PKD2: variants seen among roughly 807,000 people sequenced by gnomAD.
The protein encoded by PKD2 is polycystin-2.
In PKD2, 48 loss-of-function variants were observed where a neutral mutation model predicts 105.9. The ratio of observed to expected loss-of-function variants is 0.45; its 90% CI spans 0.36 to 0.58. The LOEUF (loss-of-function observed/expected upper bound fraction) is 0.58, where lower values mean the gene tolerates loss of function less well. Among genes scored for constraint, PKD2 ranks in the 20% least tolerant of loss-of-function variants. The probability of loss-of-function intolerance (pLI) is 0.00; values close to 1 mark genes in which losing one functional copy is unlikely to be tolerated. For missense variants in PKD2, 1,078 were observed against 1,255.3 expected, an observed-to-expected ratio of 0.86 and a Z score of 2.13; for synonymous variants, 464 against 481.1, an observed-to-expected ratio of 0.96 and a Z score of 0.46.
chr4:88,010,379 A>G lies in PKD2; in HGVS notation c.595+2051A>G, dbSNP rs1041438548. Among the ~76,000 whole-genome samples, 9 of 152,314 alleles carry G rather than the reference A, an allele frequency of 5.9e-5. No individual in the cohort carries two copies. In the East Asian group the frequency reaches 1.7e-3, roughly 29 times the overall value. On this transcript the variant is annotated intron_variant, in intron 1 of 14. Transcript: ENST00000237596. Reference sequence around the variant, plus strand: ...CAACATTTTAAAATGTTTAGCACCTACTGTGAAGATAGCACTGTGCTAGCT... The same window carrying G: ...CAACATTTTAAAATGTTTAGCACCTGCTGTGAAGATAGCACTGTGCTAGCT...
In PKD2 at chr4:88,039,347, C is replaced by T. The variant is rs140559493; in HGVS notation, c.1094+846C>T. 7.9e-5 allele frequency among the ~76,000 whole-genome samples: 12 copies of T among 152,148 alleles called. No individual in the cohort carries two copies. The East Asian group carries it at 2.3e-3, about 29-fold the overall frequency. ...CTTCCAGTATACACTCTATTTAATA[C>T]CAGAACCCATAAGAAACAAATTTAG... is the stretch of plus-strand genomic sequence containing the variant. On this transcript the variant is annotated intron_variant, in intron 4 of 14. Transcript: ENST00000237596.
intron 6 of PKD2, among the ~76,000 whole-genome samples, chr4:88,050,793 A>G (rs1351352848): frequency 6.6e-6 from 1 of 151,736 alleles, no homozygotes; most frequent in East Asian, 2.0e-4. Flanking sequence ...ACAAAAATAC[A>G]AGATTGGCTC....
intron 7 of PKD2, among the ~76,000 whole-genome samples, chr4:88,052,703 C>A (rs1044733839): frequency 6.6e-6 from 1 of 152,042 alleles, no homozygotes; most frequent in Non-Finnish European, 1.5e-5. Flanking sequence ...CAGTAAGAGG[C>A]CTTTCAGTGT....
At chr4:88,070,515 T>G (rs1720969930) in intron 13 of PKD2, among the ~76,000 whole-genome samples, 1 of 150,562 alleles carries the variant, frequency 6.6e-6, no homozygotes, top group South Asian at 2.1e-4. Flanking sequence ...TGTTCTTCTG[T>G]CAGCTTGCTT....
At chr4:88,065,720 T>A in intron 11 of PKD2, 42 bp from the exon 12 acceptor site, 1 of 1,436,502 alleles carries the variant, frequency 7.0e-7, no homozygotes, top group Middle Eastern at 1.7e-4. Flanking sequence ...GTGAACTGGG[T>A]ACAAGGAATG....
chr4:88,068,181 C>T (rs960223161), intron 13 of PKD2, 120 bp downstream of exon 13: 13 of 914,402 alleles, frequency 1.4e-5, no homozygotes, highest in Non-Finnish European at 2.1e-5. Context: ...TTAAAAATAA[C>T]TTATACTGGC....
chr4:88,012,098 C>CT lies in PKD2; in HGVS notation c.595+3773dup, dbSNP rs1271424431. Among the ~76,000 whole-genome samples the CT allele has an allele frequency of 2.6e-5, 4 of 152,314 alleles. No individual in the cohort carries two copies. In the East Asian group the frequency reaches 5.8e-4, roughly 22 times the overall value. On this transcript the variant is annotated intron_variant, in intron 1 of 14. Transcript: ENST00000237596. ...CCACCCAAATTGCCAGGAGTGAGGACTTTGAGAAACCCTGCCCTAGACTGT... is the reference window on the plus strand; with the variant it reads ...CCACCCAAATTGCCAGGAGTGAGGACTTTTGAGAAACCCTGCCCTAGACTGT...
chr4:88,007,855 C>T lies in PKD2; in HGVS notation c.122C>T (p.Ala41Val). 8.2e-7 allele frequency: 1 copy of T among 1,225,266 alleles called. No homozygotes were observed. The highest frequency in any genetic ancestry group is 1.0e-6 in the Non-Finnish European group (1 of 984,420). 75.9% of individuals were successfully genotyped at this position (1,225,266 alleles called of 1,614,324 possible). A position where few individuals can be genotyped will look rare whatever the true frequency, so the allele number is the denominator to read the frequency against. The part of the protein sequence containing the change: ...AGCAAVGASL[A>V]APGGLCEQRG... ...TGCGCGGCCGTGGGCGCCAGCCTCG[C>T]CGCCCCGGGCGGCCTCTGCGAGCAG... Residue 41 changes from alanine to valine, a missense_variant, in exon 1 of 15, where the codon GCC becomes GTC. Physicochemically the swap from Ala to Val is moderately conservative, Grantham distance 64 (BLOSUM62 0). Transcript: ENST00000237596.
At position 88,077,305 on chromosome 4, in the gene PKD2, T is replaced by G. The variant is rs886059709; in HGVS notation, c.*1611T>G. 1.3e-5 allele frequency: 2 copies of G among 152,810 alleles called. No homozygotes were observed. Among genetic ancestry groups the G allele is most frequent in the East Asian group, 3.9e-4 (2 of 5,190 alleles). The allele number at this position is 152,810 out of a possible 1,614,324, so 9.5% of individuals were successfully genotyped here. A position where few individuals can be genotyped will look rare whatever the true frequency, so the allele number is the denominator to read the frequency against. On this transcript the variant is annotated 3_prime_UTR_variant, in exon 15 of 15. Transcript: ENST00000237596. ...CTGTAAGTTTTTCCTCATGGCTTCA[T>G]CTCTATCTTTACTTTCTCTTGAATA...
intron 6 of PKD2, 99 bp downstream of exon 6, chr4:88,046,969 A>G (rs1727798770): frequency 1.3e-6 from 1 of 772,292 alleles, no homozygotes; most frequent in Non-Finnish European, 2.4e-6. Context: ...ATATTCCCAA[A>G]AAAGAATCTA....
intron 4 of PKD2, among the ~76,000 whole-genome samples, chr4:88,042,686 A>T (rs560874774): frequency 1.3e-5 from 2 of 152,236 alleles, no homozygotes; most frequent in South Asian, 4.2e-4. Flanking sequence ...TTACTTGTTT[A>T]ATTATAACTC....
chr4:88,054,164 G>A (rs1406665237), intron 7 of PKD2, among the ~76,000 whole-genome samples: 2 of 152,112 alleles, frequency 1.3e-5, no homozygotes, highest in African/African-American at 2.4e-5. Context: ...GGGAGGCTGA[G>A]GCGGGCAGAT....
At chr4:88,060,200 A>AT (rs531657232) in intron 9 of PKD2, among the ~76,000 whole-genome samples, 50 of 152,324 alleles carry the variant, frequency 3.3e-4, no homozygotes, top group African/African-American at 1.1e-3. Context: ...AAAATAGAAC[A>AT]TTAGATCCCT....
In PKD2 at chr4:88,065,804, G is replaced by C. The variant is rs753806545; in HGVS notation, c.2283G>C (p.Lys761Asn). The change falls in exon 12 of 15, where the codon AAG becomes AAC. Residue 761 changes from lysine to asparagine, a missense_variant. Transcript: ENST00000237596. ...TDAEIEAIFT[K>N]YDQDGDQELT... The stretch of plus-strand genomic sequence containing the variant: ...CAGAGATTGAGGCAATATTCACAAA[G>C]TACGACCAAGATGGAGACCAAGAAC... 1 of 1,613,712 alleles carries C rather than the reference G, an allele frequency of 6.2e-7. No homozygotes were observed. Among genetic ancestry groups the C allele is most frequent in the East Asian group, 2.2e-5 (1 of 44,868 alleles).
At chr4:88,050,223 C>T (rs1202481927) in intron 6 of PKD2, among the ~76,000 whole-genome samples, 1 of 152,082 alleles carries the variant, frequency 6.6e-6, no homozygotes, top group Non-Finnish European at 1.5e-5. Context: ...ATCCGCCCAC[C>T]TCAGCCTCCC....
intron 1 of PKD2, among the ~76,000 whole-genome samples, chr4:88,011,963 G>T (rs1005727440): frequency 1.3e-5 from 2 of 150,432 alleles, no homozygotes; most frequent in Non-Finnish European, 2.9e-5. Flanking sequence ...ATTTTTGATT[G>T]TCATACCTGG....
chr4:88,065,917 C>A, intron 12 of PKD2, 38 bp downstream of exon 12: 2 of 1,081,418 alleles, frequency 1.8e-6, no homozygotes, highest in Non-Finnish European at 2.9e-6. Flanking sequence ...TGATTTGGTA[C>A]CTACAACACC....
chr4:88,018,290 G>T lies in PKD2; in HGVS notation c.596-1168G>T, dbSNP rs74876397. On this transcript the variant is annotated intron_variant, in intron 1 of 14. Coordinates refer to ENST00000237596, the MANE Select transcript of PKD2 (RefSeq NM_000297.4). ...AAGGAAATACCCAAATTCAGGAATA[G>T]AACTTACATATTATTATAAGACTTA... Among the ~76,000 whole-genome samples the T allele has an allele frequency of 9.4e-3, 1,426 of 152,304 alleles. 30 individuals are homozygous for T. Among genetic ancestry groups the T allele is most frequent in the East Asian group, 0.057 (297 of 5,188 alleles).
intron 14 of PKD2, 33 bp from the exon 15 acceptor site, chr4:88,075,425 G>A (rs1721194902): frequency 6.7e-7 from 1 of 1,491,440 alleles, no homozygotes; most frequent in Non-Finnish European, 9.4e-7. Flanking sequence ...TCCTTCTACT[G>A]CCCCCAACAC....
Sources: gnomAD v4.1 joint callset for allele counts (sites outside exome capture counted in the v4.1 genomes callset) on GRCh38, gnomAD v4.1.1 for gene constraint, MANE v1.5 for transcripts, NCBI Gene and HGNC (gene_info 2026-07-23, HGNC 2026-07-21) for gene names.